FYB1: variants seen among roughly 807,000 people sequenced by gnomAD.
The protein encoded by FYB1 is FYN-binding protein 1.
Under a neutral mutation model 94.1 loss-of-function variants are expected in FYB1, and 41 were observed. The observed-to-expected ratio is 0.44, with a 90% CI of 0.34 to 0.57. The LOEUF (loss-of-function observed/expected upper bound fraction) is 0.57. Among genes scored for constraint, FYB1 ranks in the 20% least tolerant of loss-of-function variants. The pLI, the probability that FYB1 is intolerant of heterozygous loss-of-function variation, is 0.02. For missense variants in FYB1, 1,050 were observed against 976.8 expected, an observed-to-expected ratio of 1.07 and a Z score of -1.00; for synonymous variants, 367 against 353.2, an observed-to-expected ratio of 1.04 and a Z score of -0.44.
intron 2 of FYB1, among the ~76,000 whole-genome samples, chr5:39,191,707 T>G (rs1346750905): frequency 6.6e-6 from 1 of 152,240 alleles, no homozygotes; most frequent in Non-Finnish European, 1.5e-5. Flanking sequence ...TCTTTTTCTG[T>G]CCCTTATTCC....
intron 1 of FYB1, among the ~76,000 whole-genome samples, chr5:39,250,326 CA>C (rs944789538): frequency 9.2e-5 from 14 of 152,026 alleles, no homozygotes; most frequent in African/African-American, 3.4e-4. Flanking sequence ...AAGTGTGATT[CA>C]AAGGATACTG....
chr5:39,204,409 G>A (rs1171012528), intron 1 of FYB1, among the ~76,000 whole-genome samples: 2 of 152,182 alleles, frequency 1.3e-5, no homozygotes, highest in African/African-American at 4.8e-5. Context: ...TTAAATCCTA[G>A]CCAGAATTGT....
chr5:39,152,806 A>G (rs1383221417), intron 3 of FYB1, among the ~76,000 whole-genome samples: 2 of 152,200 alleles, frequency 1.3e-5, no homozygotes, highest in Non-Finnish European at 2.9e-5. Flanking sequence ...CCCAGCCAAA[A>G]ATTCTGATGG....
intron 18 of FYB1, among the ~76,000 whole-genome samples, 169 bp from the exon 19 acceptor site, chr5:39,107,634 T>C (rs1476467223): frequency 6.6e-6 from 1 of 152,048 alleles, no homozygotes; most frequent in African/African-American, 2.4e-5. Flanking sequence ...TATTTAACTT[T>C]TATTATTTAG....
intron 1 of FYB1, among the ~76,000 whole-genome samples, chr5:39,243,549 T>C (rs1391542173): frequency 6.6e-6 from 1 of 152,122 alleles, no homozygotes; most frequent in Non-Finnish European, 1.5e-5. Flanking sequence ...TGTAGCCTTG[T>C]AGTATAGTTT....
chr5:39,220,729 T>C (rs1750209456), upstream of FYB1, among the ~76,000 whole-genome samples: 1 of 152,218 alleles, frequency 6.6e-6, no homozygotes, highest in Non-Finnish European at 1.5e-5. Context: ...TTACAGACGT[T>C]ATGCCAGAGA....
intron 11 of FYB1, among the ~76,000 whole-genome samples, chr5:39,126,563 G>T (rs1740687564): frequency 6.6e-6 from 1 of 151,628 alleles, no homozygotes. Flanking sequence ...TGGGTGTGGT[G>T]GTGCACACCT....
chr5:39,261,337 G>GAC (rs57277521), intron 1 of FYB1, among the ~76,000 whole-genome samples: 7,344 of 133,758 alleles, frequency 0.055, 243 homozygotes, highest in African/African-American at 0.081. Flanking sequence ...TGTAGATTAA[G>GAC]ACACACACAC....
chr5:39,202,655 G>T lies in FYB1; in HGVS notation c.306C>A (p.Asp102Glu), dbSNP rs544610162. ...TCAGAAATCCCACTTTCGCCTCGGG[G>T]TCTCTGGTGGTCAAGCTGGCTGGTG... Reference protein sequence around the residue: ...FGTPASLTTRDPEAKVGFLKP... With the variant: ...FGTPASLTTREPEAKVGFLKP... The change falls in exon 2 of 19, where the codon GAC becomes GAA. Residue 102 changes from aspartate to glutamate, a missense_variant. Asp to Glu is a conservative substitution (Grantham distance 45, BLOSUM62 2). Transcript: ENST00000512982. 14 of 1,613,858 alleles carry T rather than the reference G, an allele frequency of 8.7e-6. No individual in the cohort carries two copies. The highest frequency in any genetic ancestry group is 8.3e-5 in the Admixed American group (5 of 60,004).
chr5:39,118,430 A>G (rs1739765381), intron 16 of FYB1, among the ~76,000 whole-genome samples: 1 of 152,204 alleles, frequency 6.6e-6, no homozygotes, highest in East Asian at 1.9e-4. Context: ...AGCAAGAGAC[A>G]CTGTCTACTT....
intron 1 of FYB1, among the ~76,000 whole-genome samples, chr5:39,231,042 A>G (rs1750710264): frequency 6.6e-6 from 1 of 151,826 alleles, no homozygotes; most frequent in Admixed American, 6.6e-5. Flanking sequence ...ATTGATTAGA[A>G]CAAGGAGGAA....
At chr5:39,113,508 A>G (rs1426542251) in intron 16 of FYB1, among the ~76,000 whole-genome samples, 3 of 152,168 alleles carry the variant, frequency 2.0e-5, no homozygotes, top group Non-Finnish European at 4.4e-5. Flanking sequence ...CATATGTGCC[A>G]GTTAATTTCT....
chr5:39,183,641 CTA>C (rs1746472142), intron 2 of FYB1, among the ~76,000 whole-genome samples: 1 of 152,176 alleles, frequency 6.6e-6, no homozygotes, highest in African/African-American at 2.4e-5. Flanking sequence ...TTCCTACTCT[CTA>C]TGTGTCCCTA....
Position 39,215,565 on chromosome 5 carries a change from G to A in FYB1, c.-28+3878C>T, listed in dbSNP as rs1221567583. Among the ~76,000 whole-genome samples, 5 of 152,176 alleles carry A rather than the reference G, an allele frequency of 3.3e-5. No homozygotes were observed. In the East Asian group the frequency reaches 7.7e-4, roughly 23 times the overall value. On this transcript the variant is annotated intron_variant, in intron 1 of 18. Coordinates refer to ENST00000512982, the MANE Select transcript of FYB1 (RefSeq NM_001465.6). ...CCAGCCCAGCCAGCCAGGGGTGCAA[G>A]GGGGAGGGTGTGGCATCCTGTGGTG...
At chr5:39,185,191 A>G in intron 2 of FYB1, among the ~76,000 whole-genome samples, 1 of 152,152 alleles carries the variant, frequency 6.6e-6, no homozygotes, top group South Asian at 2.1e-4. Flanking sequence ...AAGCCCAGAT[A>G]AATAATTAAC....
Position 39,134,268 on chromosome 5 carries a change from C to A in FYB1, c.1757G>T (p.Arg586Ile). 1 of 1,609,540 alleles carries A rather than the reference C, an allele frequency of 6.2e-7. No homozygotes were observed. The highest frequency in any genetic ancestry group is 1.1e-5 in the South Asian group (1 of 90,968). ...TACTTCTTGGTCATCTTCAATAGGT[C>A]TTGAAGGGGCACCAAGAGAGTCTTT... ...LKKDSLGAPSRPIEDDQEVYD... is the reference protein window; with the variant it reads ...LKKDSLGAPSIPIEDDQEVYD... Residue 586 changes from arginine to isoleucine, a missense_variant, in exon 9 of 19, where the codon AGA (arginine) becomes ATA (isoleucine). Arg to Ile is a moderately conservative substitution (Grantham distance 97). Transcript: ENST00000512982.
At chr5:39,173,545 A>C (rs1359576394) in intron 2 of FYB1, among the ~76,000 whole-genome samples, 1 of 152,144 alleles carries the variant, frequency 6.6e-6, no homozygotes, top group African/African-American at 2.4e-5. Flanking sequence ...GGTAGTTTCT[A>C]GGTTTTCTTC....
At chr5:39,235,134 C>A (rs1350428362) in intron 1 of FYB1, among the ~76,000 whole-genome samples, 3 of 151,594 alleles carry the variant, frequency 2.0e-5, no homozygotes, top group African/African-American at 7.3e-5. Flanking sequence ...TTTAAATTCC[C>A]TGGAAGAAAA....
chr5:39,272,090 C>A (rs990964692), intron 1 of FYB1, among the ~76,000 whole-genome samples: 2 of 152,000 alleles, frequency 1.3e-5, no homozygotes, highest in African/African-American at 2.4e-5. Context: ...ATTAAAATCA[C>A]CTGGGATGTT....
Sources: gnomAD v4.1 joint callset for allele counts (sites outside exome capture counted in the v4.1 genomes callset) on GRCh38, gnomAD v4.1.1 for gene constraint, MANE v1.5 for transcripts, NCBI Gene and HGNC (gene_info 2026-07-23, HGNC 2026-07-21) for gene names.